SYCP1: variants seen among roughly 807,000 people sequenced by gnomAD.
The protein encoded by SYCP1 is synaptonemal complex protein 1.
SYCP1 carries 64 observed loss-of-function variants against 153.1 expected under a neutral mutation model. That is an observed-to-expected ratio of 0.42 (90% CI 0.34 to 0.51). The LOEUF (loss-of-function observed/expected upper bound fraction) is 0.51, where lower values mean the gene tolerates loss of function less well. SYCP1 is among the 20% of genes least tolerant of loss of function. The probability of loss-of-function intolerance (pLI) is 0.06; values close to 1 mark genes in which losing one functional copy is unlikely to be tolerated. For missense variants in SYCP1, 997 were observed against 1,049.0 expected, an observed-to-expected ratio of 0.95 and a Z score of 0.68; for synonymous variants, 384 against 341.8, an observed-to-expected ratio of 1.12 and a Z score of -1.36.
intron 27 of SYCP1, among the ~76,000 whole-genome samples, chr1:114,970,796 C>A (rs1672438882): frequency 6.6e-6 from 1 of 152,162 alleles, no homozygotes; most frequent in South Asian, 2.1e-4. Context: ...GCTACCAGCA[C>A]CTTCTCCAGT....
chr1:114,895,426 A>ATTT, intron 15 of SYCP1, 22 bp from the exon 16 acceptor site: 1 of 1,272,904 alleles, frequency 7.9e-7, no homozygotes, highest in Non-Finnish European at 1.1e-6. Flanking sequence ...TTTTTAACAC[A>ATTT]TTTTTTTTTT....
In SYCP1 at chr1:114,932,795, C is replaced by T. The variant is rs1006243624; in HGVS notation, c.1926+6232C>T. ...GGAGGGTCCCACGCCCAAGGAGCCT[C>T]GCTCACTGCTAGTGCAGCAGTCTGA... On this transcript the variant is annotated intron_variant, in intron 23 of 31. Coordinates refer to ENST00000369522, the MANE Select transcript of SYCP1 (RefSeq NM_003176.4). Among the ~76,000 whole-genome samples, 13 of 152,372 alleles carry T rather than the reference C, an allele frequency of 8.5e-5. No homozygotes were observed. The South Asian group carries it at 1.2e-3, about 15-fold the overall frequency.
chr1:114,958,691 C>T (rs1250367970), intron 27 of SYCP1, among the ~76,000 whole-genome samples: 1 of 146,550 alleles, frequency 6.8e-6, no homozygotes, highest in Non-Finnish European at 1.5e-5. Context: ...GAGGCTGAGG[C>T]GGGCGGATCA....
intron 12 of SYCP1, among the ~76,000 whole-genome samples, chr1:114,882,752 T>C (rs981349774): frequency 6.6e-6 from 1 of 152,102 alleles, no homozygotes; most frequent in Non-Finnish European, 1.5e-5. Context: ...TTGCTTTTTT[T>C]CCCCCCATGC....
chr1:114,968,690 C>G (rs1672296333), intron 27 of SYCP1, among the ~76,000 whole-genome samples: 1 of 152,200 alleles, frequency 6.6e-6, no homozygotes, highest in Non-Finnish European at 1.5e-5. Context: ...ATTCATCAAA[C>G]TCAGTCTCCA....
chr1:114,872,006 C>CTTT (rs71582510), intron 8 of SYCP1, among the ~76,000 whole-genome samples: 4 of 127,182 alleles, frequency 3.1e-5, no homozygotes, highest in Admixed American at 8.2e-5. Flanking sequence ...CTTTCTTTTT[C>CTTT]TTTTTTTTTT....
chr1:114,918,924 T>G (rs1297322138), intron 20 of SYCP1, among the ~76,000 whole-genome samples: 1 of 151,988 alleles, frequency 6.6e-6, no homozygotes, highest in Non-Finnish European at 1.5e-5. Context: ...CTTGGAAATA[T>G]ACATGTTTCC....
chr1:114,970,261 C>G (rs544222842), intron 27 of SYCP1, among the ~76,000 whole-genome samples: 3 of 152,026 alleles, frequency 2.0e-5, no homozygotes, highest in East Asian at 1.9e-4. Context: ...TTTCCAGAAG[C>G]TGTGATTTTT....
At chr1:114,870,628 C>A (rs889866603) in intron 8 of SYCP1, among the ~76,000 whole-genome samples, 2 of 152,128 alleles carry the variant, frequency 1.3e-5, no homozygotes, top group Admixed American at 1.3e-4. Flanking sequence ...TATTCTCATT[C>A]TCTTGACATT....
chr1:114,936,802 CAA>C (rs1670041816), intron 23 of SYCP1, among the ~76,000 whole-genome samples: 1 of 152,144 alleles, frequency 6.6e-6, no homozygotes, highest in Admixed American at 6.5e-5. Context: ...ACAATTGCTT[CAA>C]AGAGAATAAA....
chr1:114,990,909 C>T lies in SYCP1; in HGVS notation c.2704-3789C>T, dbSNP rs1338585691. ...ACACTAGAGCTTCTGGATAACTGAA[C>T]ACAGGGAATTTCCCACAGGGTGGCA... On this transcript the variant is annotated intron_variant, in intron 30 of 31. Transcript: ENST00000369522. Among the ~76,000 whole-genome samples, 4 of 152,038 alleles carry T rather than the reference C, an allele frequency of 2.6e-5. No homozygotes were observed. The South Asian group carries it at 8.3e-4, about 32-fold the overall frequency.
At chr1:114,880,636 T>C (rs987178579) in intron 12 of SYCP1, among the ~76,000 whole-genome samples, 1 of 152,240 alleles carries the variant, frequency 6.6e-6, no homozygotes, top group Non-Finnish European at 1.5e-5. Flanking sequence ...CTGGCTTTTC[T>C]GTACCTTAGC....
chr1:114,910,057 T>C (rs1401969413), intron 16 of SYCP1: 1 of 159,752 alleles, frequency 6.3e-6, no homozygotes. Flanking sequence ...GGACCTTTTA[T>C]TGTGAGGCCT....
At chr1:114,926,630 C>T (rs911134060) in intron 23 of SYCP1, 67 bp downstream of exon 23, 2 of 1,320,692 alleles carry the variant, frequency 1.5e-6, no homozygotes, top group African/African-American at 3.0e-5. Flanking sequence ...ACATTTTATT[C>T]CACTTGTTTA....
chr1:114,937,897 A>G (rs1670127500), intron 23 of SYCP1, among the ~76,000 whole-genome samples: 1 of 152,180 alleles, frequency 6.6e-6, no homozygotes, highest in South Asian at 2.1e-4. Context: ...TCAGGAAACA[A>G]CAGGTGCTGG....
At chr1:114,920,167 G>T (rs1159452103) in intron 20 of SYCP1, among the ~76,000 whole-genome samples, 1 of 151,786 alleles carries the variant, frequency 6.6e-6, no homozygotes, top group African/African-American at 2.4e-5. Flanking sequence ...CATAGGTTTT[G>T]GTATGTTATC....
intron 23 of SYCP1, among the ~76,000 whole-genome samples, chr1:114,935,458 A>G (rs1354802732): frequency 6.6e-6 from 1 of 152,254 alleles, no homozygotes; most frequent in East Asian, 1.9e-4. Context: ...AAAGCAGGAA[A>G]GATCTAAAAT....
intron 27 of SYCP1, among the ~76,000 whole-genome samples, chr1:114,954,733 G>A (rs139360840): frequency 0.023 from 3,554 of 151,852 alleles, 55 homozygotes; most frequent in South Asian, 0.035. Context: ...GGCACACGCC[G>A]CCATGCCCAG....
At chr1:114,892,690 C>G (rs1281734990) in intron 15 of SYCP1, among the ~76,000 whole-genome samples, 1 of 152,112 alleles carries the variant, frequency 6.6e-6, no homozygotes, top group Non-Finnish European at 1.5e-5. Context: ...GAGCCTTTTC[C>G]TGGCGCACGC....
Sources: allele counts gnomAD v4.1 joint callset (sites outside exome capture counted in the v4.1 genomes callset), GRCh38; gene constraint gnomAD v4.1.1; transcripts MANE v1.5; gene names NCBI Gene and HGNC (gene_info 2026-07-23, HGNC 2026-07-21).